Variants in SGCZ observed in about 807,000 individuals in gnomAD.
SGCZ encodes sarcoglycan zeta.
A neutral mutation model predicts 41.3 loss-of-function variants in SGCZ; 40 were observed. The observed-to-expected ratio is 0.97, with a 90% CI of 0.75 to 1.26. The LOEUF (loss-of-function observed/expected upper bound fraction) is 1.26. Among genes scored for constraint, SGCZ ranks in the 50% most tolerant of loss-of-function variants. The pLI is 0.00. For missense variants in SGCZ, 552 were observed against 369.8 expected (o/e 1.49, Z -4.04); for synonymous variants, 206 against 137.5 (o/e 1.50, Z -3.49).
chr8:15,215,468 G>C (rs571299367), intron 1 of SGCZ, among the ~76,000 whole-genome samples: 17 of 152,098 alleles, frequency 1.1e-4, no homozygotes, highest in Non-Finnish European at 2.4e-4. Context: ...TTAGATTTCT[G>C]TCTGGAACAT....
At chr8:14,236,774 C>G (rs1197675422) in intron 4 of SGCZ, among the ~76,000 whole-genome samples, 1 of 151,498 alleles carries the variant, frequency 6.6e-6, no homozygotes, top group East Asian at 2.0e-4. Flanking sequence ...AATTCAGAAT[C>G]TACATGCATA....
intron 2 of SGCZ, among the ~76,000 whole-genome samples, chr8:14,336,676 T>A (rs988961076): frequency 5.3e-5 from 8 of 151,774 alleles, no homozygotes; most frequent in Non-Finnish European, 7.4e-5. Context: ...ACAACCAGAG[T>A]TTTAAAACCC....
intron 1 of SGCZ, among the ~76,000 whole-genome samples, chr8:15,097,217 T>C (rs1001340300): frequency 2.0e-5 from 3 of 152,156 alleles, no homozygotes; most frequent in Non-Finnish European, 4.4e-5. Flanking sequence ...CTTCATAACG[T>C]GTATAAATAA....
At chr8:14,147,832 T>A (rs568511430) in intron 5 of SGCZ, among the ~76,000 whole-genome samples, 1 of 152,110 alleles carries the variant, frequency 6.6e-6, no homozygotes, top group South Asian at 2.1e-4. Flanking sequence ...TGAAAACATT[T>A]AAAAAAATGG....
At chr8:14,601,266 T>G (rs1805581223) in intron 1 of SGCZ, among the ~76,000 whole-genome samples, 1 of 152,098 alleles carries the variant, frequency 6.6e-6, no homozygotes, top group African/African-American at 2.4e-5. Flanking sequence ...GGTAGCTTGT[T>G]TTTATTTCTT....
At chr8:15,148,528 T>C (rs552089360) in intron 1 of SGCZ, among the ~76,000 whole-genome samples, 1 of 152,218 alleles carries the variant, frequency 6.6e-6, no homozygotes, top group Non-Finnish European at 1.5e-5. Flanking sequence ...TCATAGGAAT[T>C]GCAAGGCCAT....
chr8:14,095,589 CT>C (rs36176764), intron 7 of SGCZ, among the ~76,000 whole-genome samples: 2 of 152,076 alleles, frequency 1.3e-5, no homozygotes, highest in Non-Finnish European at 2.9e-5. Flanking sequence ...TATGCAGGCT[CT>C]TTTTTGCTTC....
intron 1 of SGCZ, among the ~76,000 whole-genome samples, chr8:14,819,060 G>A (rs1010940062): frequency 3.3e-5 from 5 of 151,570 alleles, no homozygotes; most frequent in Non-Finnish European, 7.4e-5. Context: ...AAGATCTGTG[G>A]ATAGATTCAA....
intron 4 of SGCZ, among the ~76,000 whole-genome samples, chr8:14,198,596 G>GT (rs2117063907): frequency 2.7e-5 from 2 of 72,994 alleles, no homozygotes; most frequent in South Asian, 1.2e-3. Flanking sequence ...TAAAATAAAA[G>GT]TTGAAAAAAA....
At chr8:14,863,065 C>A (rs924631607) in intron 1 of SGCZ, among the ~76,000 whole-genome samples, 1 of 152,104 alleles carries the variant, frequency 6.6e-6, no homozygotes, top group East Asian at 1.9e-4. Context: ...AAGGTGAGTT[C>A]ATCGCTCGGT....
intron 5 of SGCZ, among the ~76,000 whole-genome samples, chr8:14,159,697 T>G (rs1803982268): frequency 6.6e-6 from 1 of 152,186 alleles, no homozygotes; most frequent in African/African-American, 2.4e-5. Context: ...ATGGGTTGTT[T>G]GAACAAAGCG....
Position 14,288,642 on chromosome 8 carries a change from A to C in SGCZ, c.336+35461T>G, listed in dbSNP as rs188528959. Among the ~76,000 whole-genome samples the C allele has an allele frequency of 4.8e-3, 729 of 152,190 alleles. 6 individuals are homozygous for C. The highest frequency in any genetic ancestry group is 0.013 in the Admixed American group (199 of 15,266). The stretch of plus-strand genomic sequence containing the variant: ...TTCAATCCTTTCATAGCTTAATAAT[A>C]CTCCATTATATGGATTTACCATATT... On this transcript the variant is annotated intron_variant, in intron 3 of 7. Coordinates refer to ENST00000382080, the MANE Select transcript of SGCZ (RefSeq NM_139167.4).
intron 1 of SGCZ, among the ~76,000 whole-genome samples, chr8:14,747,864 C>A (rs1042927363): frequency 2.0e-5 from 3 of 148,824 alleles, no homozygotes; most frequent in Non-Finnish European, 4.4e-5. Flanking sequence ...AGGCACCCAC[C>A]ACCACAACTG....
chr8:14,497,456 A>G (rs997411681), intron 2 of SGCZ, among the ~76,000 whole-genome samples: 2 of 152,174 alleles, frequency 1.3e-5, no homozygotes, highest in Non-Finnish European at 1.5e-5. Context: ...CACACCCTGC[A>G]GGCTGAATGC....
intron 1 of SGCZ, among the ~76,000 whole-genome samples, chr8:15,072,087 C>G (rs1171652933): frequency 6.6e-6 from 1 of 152,110 alleles, no homozygotes; most frequent in Non-Finnish European, 1.5e-5. Flanking sequence ...TCTGTTCCTC[C>G]TTCCTCAACA....
chr8:14,689,305 T>A (rs1808723036), intron 1 of SGCZ, among the ~76,000 whole-genome samples: 1 of 152,098 alleles, frequency 6.6e-6, no homozygotes, highest in Admixed American at 6.6e-5. Context: ...ATCACAGGCA[T>A]TTGAAAACTT....
chr8:14,562,412 T>G (rs1485418279), intron 1 of SGCZ, among the ~76,000 whole-genome samples: 1 of 152,206 alleles, frequency 6.6e-6, no homozygotes, highest in Admixed American at 6.5e-5. Context: ...CATTATCAAG[T>G]AGTAACATGA....
rs567621039 is a variant in SGCZ, at chr8:14,460,745, C to G, written c.234+93987G>C. ...AGTGTGTGTAGTGTTTCAAAAGGTACAATAGCAAGATGCCTAACTTTAGAG... is the reference window on the plus strand; with the variant it reads ...AGTGTGTGTAGTGTTTCAAAAGGTAGAATAGCAAGATGCCTAACTTTAGAG... On this transcript the variant is annotated intron_variant, in intron 2 of 7. Coordinates refer to ENST00000382080, the MANE Select transcript of SGCZ (RefSeq NM_139167.4). 3.3e-4 allele frequency among the ~76,000 whole-genome samples: 50 copies of G among 152,194 alleles called. 1 individual carries two copies. Among genetic ancestry groups the G allele is most frequent in the African/African-American group, 1.2e-3 (48 of 41,534 alleles).
At chr8:14,401,610 C>A (rs963503225) in intron 2 of SGCZ, among the ~76,000 whole-genome samples, 3 of 151,572 alleles carry the variant, frequency 2.0e-5, no homozygotes, top group African/African-American at 7.3e-5. Flanking sequence ...CTACAAAGGA[C>A]ATGAACTCAT....
Sources: allele counts gnomAD v4.1 joint callset (sites outside exome capture counted in the v4.1 genomes callset), GRCh38; gene constraint gnomAD v4.1.1; transcripts MANE v1.5; gene names NCBI Gene and HGNC (gene_info 2026-07-23, HGNC 2026-07-21).